Variants in NSUN6 observed in about 807,000 individuals in gnomAD.
NSUN6 encodes the protein tRNA (cytosine(72)-C(5))-methyltransferase NSUN6.
A neutral mutation model predicts 58.0 loss-of-function variants in NSUN6; 64 were observed. The observed-to-expected ratio is 1.10, with a 90% CI of 0.90 to 1.36. NSUN6 has a LOEUF of 1.36. NSUN6 is among the 40% of genes most tolerant of loss of function. The pLI is 0.00. For missense variants in NSUN6, 701 were observed against 550.1 expected, an observed-to-expected ratio of 1.27 and a Z score of -2.74; for synonymous variants, 231 against 193.9, an observed-to-expected ratio of 1.19 and a Z score of -1.59.
chr10:18,553,050 T>C (rs563017122), intron 8 of NSUN6, among the ~76,000 whole-genome samples: 1 of 151,496 alleles, frequency 6.6e-6, no homozygotes, highest in African/African-American at 2.4e-5. Context: ...TCCATTCCAT[T>C]TCCCAATCCA....
At chr10:18,601,770 C>G (rs775920881) in intron 6 of NSUN6, among the ~76,000 whole-genome samples, 11 of 152,056 alleles carry the variant, frequency 7.2e-5, no homozygotes, top group Non-Finnish European at 8.8e-5. Context: ...ATCACCAGGT[C>G]AGGAGTTCGA....
chr10:18,567,339 T>C (rs1357861928), intron 8 of NSUN6, among the ~76,000 whole-genome samples: 1 of 150,964 alleles, frequency 6.6e-6, no homozygotes, highest in East Asian at 1.9e-4. Context: ...TTCCATTCCA[T>C]TCCATTCTAT....
chr10:18,565,399 T>A (rs1342516679), intron 8 of NSUN6, among the ~76,000 whole-genome samples: 2 of 151,048 alleles, frequency 1.3e-5, no homozygotes, highest in Non-Finnish European at 3.0e-5. Flanking sequence ...CATACCATTC[T>A]CCATTCCATT....
At chr10:18,652,701 A>G (rs1424997530), upstream of NSUN6, 1 of 461,088 alleles carries the variant, frequency 2.2e-6, no homozygotes, top group Non-Finnish European at 2.8e-6. Flanking sequence ...CTAAAATTAC[A>G]GGCATGTGCC....
rs1383627533 is a variant in NSUN6 at position 18,571,397 on chromosome 10, CATTCCATTCCATTCTCT to C, written c.922+14535_922+14551del. 2.6e-5 allele frequency among the ~76,000 whole-genome samples: 4 copies of C among 150,982 alleles called. No individual in the cohort carries two copies. The East Asian group carries it at 5.9e-4, about 22-fold the overall frequency. ...TCAATCTCCATTCCATTCCATTCTA[CATTCCATTCCATTCTCT>C]ATTCCATTCCATTCTTCATTCCATT... On this transcript the variant is annotated intron_variant, in intron 8 of 10. Coordinates refer to ENST00000377304, the MANE Select transcript of NSUN6 (RefSeq NM_182543.5).
chr10:18,600,924 T>C lies in NSUN6; in HGVS notation c.658-4597A>G, dbSNP rs1416082010. ...GCCTGAGTGAAAGAGCAAGACTCCA[T>C]CTCAAAAAAAAAAAAAAATATATAT... On this transcript the variant is annotated intron_variant, in intron 6 of 10. Transcript: ENST00000377304. Among the ~76,000 whole-genome samples, 4 of 20,534 alleles carry C rather than the reference T, an allele frequency of 1.9e-4. No homozygotes were observed. The South Asian group carries it at 6.2e-3, about 32-fold the overall frequency. The allele number at this position is 20,534 out of a possible 152,430, so 13.5% of individuals were successfully genotyped here. A position where few individuals can be genotyped will look rare whatever the true frequency, so the allele number is the denominator to read the frequency against.
chr10:18,553,346 T>A (rs971917927), intron 8 of NSUN6, among the ~76,000 whole-genome samples: 1 of 150,034 alleles, frequency 6.7e-6, no homozygotes, highest in Non-Finnish European at 1.5e-5. Flanking sequence ...AAATGCAGAA[T>A]GGAAGAGAAT....
intron 3 of NSUN6, among the ~76,000 whole-genome samples, chr10:18,626,914 AC>A (rs2058831203): frequency 6.6e-6 from 1 of 152,200 alleles, no homozygotes. Context: ...GCCTGCTTGA[AC>A]TATTTTAAGA....
Position 18,596,208 on chromosome 10 carries a change from C to T in NSUN6, c.777G>A (p.Gln259=), listed in dbSNP as rs1419402666. 3.1e-6 allele frequency: 5 copies of T among 1,610,720 alleles called. No individual in the cohort carries two copies. The Admixed American group carries it at 8.3e-5, about 27-fold the overall frequency. The change falls in exon 7 of 11, where the codon CAG becomes CAA. Residue 259 remains glutamine, a splice_region_variant and synonymous_variant. Transcript: ENST00000377304. ...GGATTTGCTGTGAAGACAGTCTCAC[C>T]TGATCATGCATTAGTGCTGCAATGT... ...TTHIAALMHD[Q]GEVIALDKIF...
intron 2 of NSUN6, among the ~76,000 whole-genome samples, chr10:18,643,604 A>G (rs1446726373): frequency 6.6e-6 from 1 of 152,154 alleles, no homozygotes; most frequent in Admixed American, 6.5e-5. Flanking sequence ...GCTTCTTCCA[A>G]AGGGTCTAGT....
intron 6 of NSUN6, among the ~76,000 whole-genome samples, chr10:18,603,082 C>G (rs1338862059): frequency 2.0e-5 from 3 of 152,040 alleles, no homozygotes; most frequent in African/African-American, 7.2e-5. Flanking sequence ...CACTTGAGGC[C>G]AGGAGTTCGA....
At chr10:18,577,481 G>A (rs185157533) in intron 8 of NSUN6, among the ~76,000 whole-genome samples, 24 of 152,218 alleles carry the variant, frequency 1.6e-4, no homozygotes, top group African/African-American at 5.5e-4. Context: ...GCATCCATGG[G>A]TTGGTACAGA....
At chr10:18,651,798 G>C, upstream of NSUN6, 1 of 985,438 alleles carries the variant, frequency 1.0e-6, no homozygotes, top group African/African-American at 1.7e-5. Context: ...GGCAGACCCC[G>C]CGGGCGGGAT....
chr10:18,644,918 G>A (rs1386028646), intron 2 of NSUN6, among the ~76,000 whole-genome samples: 1 of 151,464 alleles, frequency 6.6e-6, no homozygotes, highest in Non-Finnish European at 1.5e-5. Flanking sequence ...AGCACTCTGT[G>A]AGGCCGAAGC....
At chr10:18,553,997 G>T (rs532941256) in intron 8 of NSUN6, among the ~76,000 whole-genome samples, 1 of 150,836 alleles carries the variant, frequency 6.6e-6, no homozygotes, top group Non-Finnish European at 1.5e-5. Context: ...ATGGAATGGA[G>T]AATGTAATTG....
At chr10:18,576,087 A>G (rs2056634377) in intron 8 of NSUN6, among the ~76,000 whole-genome samples, 1 of 152,174 alleles carries the variant, frequency 6.6e-6, no homozygotes, top group Admixed American at 6.5e-5. Flanking sequence ...TGCCCCATCC[A>G]GAGTCATGGG....
intron 8 of NSUN6, among the ~76,000 whole-genome samples, chr10:18,562,810 G>A (rs987196295): frequency 6.7e-6 from 1 of 149,606 alleles, no homozygotes; most frequent in Non-Finnish European, 1.5e-5. Context: ...AGAATGGAAT[G>A]AAAGGGAGGA....
chr10:18,607,458 A>G (rs1011079701), intron 6 of NSUN6, among the ~76,000 whole-genome samples: 1 of 152,234 alleles, frequency 6.6e-6, no homozygotes, highest in African/African-American at 2.4e-5. Context: ...TTTATGGATC[A>G]GGTAAGACCC....
At chr10:18,562,039 G>C (rs61727658) in intron 8 of NSUN6, among the ~76,000 whole-genome samples, 52,656 of 150,784 alleles carry the variant, frequency 0.35, 9,942 homozygotes, top group East Asian at 0.73. Context: ...ATGCGGAATG[G>C]AATGGAGCAT....
Sources: allele counts gnomAD v4.1 joint callset (sites outside exome capture counted in the v4.1 genomes callset), GRCh38; gene constraint gnomAD v4.1.1; transcripts MANE v1.5; gene names NCBI Gene and HGNC (gene_info 2026-07-23, HGNC 2026-07-21).